Variants in CATSPERE observed in about 807,000 individuals in gnomAD.
The protein encoded by CATSPERE is catsper channel auxiliary subunit epsilon, also known as cation channel sperm-associated auxiliary subunit epsilon.
CATSPERE carries 93 observed loss-of-function variants against 114.1 expected under a neutral mutation model. The observed-to-expected ratio is 0.81, with a 90% CI of 0.69 to 0.97. CATSPERE has a LOEUF of 0.97. CATSPERE is among the 50% of genes least tolerant of loss of function. The pLI, the probability that CATSPERE is intolerant of heterozygous loss-of-function variation, is 0.00. For missense variants in CATSPERE, 1,058 were observed against 1,131.6 expected (o/e 0.93, Z 0.93); for synonymous variants, 341 against 384.1 (o/e 0.89, Z 1.31).
chr1:244,635,417 T>G, intron 20 of CATSPERE, 72 bp from the exon 21 acceptor site: 1 of 1,103,790 alleles, frequency 9.1e-7, no homozygotes, highest in Non-Finnish European at 1.4e-6. Flanking sequence ...ATTGTTACCA[T>G]AGGGACATGG....
At position 244,621,299 on chromosome 1, in the gene CATSPERE, A is replaced by ATATATTTATATAGATATATC. The variant is rs554565080; in HGVS notation, c.2648+3618_2648+3619insTTATATAGATATATCTATAT. Among the ~76,000 whole-genome samples, 9 of 86,628 alleles carry ATATATTTATATAGATATATC rather than the reference A, an allele frequency of 1.0e-4. 2 individuals are homozygous for ATATATTTATATAGATATATC. Among genetic ancestry groups the ATATATTTATATAGATATATC allele is most frequent in the African/African-American group, 4.4e-4 (9 of 20,662 alleles). 56.8% of individuals were successfully genotyped at this position (86,628 alleles called of 152,430 possible). On this transcript the variant is annotated intron_variant, in intron 20 of 21. Coordinates refer to ENST00000366534, the MANE Select transcript of CATSPERE (RefSeq NM_001130957.2). ...TATCTATATAGATATATCTATATAA[A>ATATATTTATATAGATATATC]TATATAAATATATAAAATATATATA... is the stretch of plus-strand genomic sequence containing the variant.
At chr1:244,558,529 T>G (rs1443509171) in intron 9 of CATSPERE, among the ~76,000 whole-genome samples, 2 of 152,170 alleles carry the variant, frequency 1.3e-5, no homozygotes, top group Non-Finnish European at 2.9e-5. Context: ...TTATTATAGT[T>G]ATTTTCTCTT....
intron 19 of CATSPERE, among the ~76,000 whole-genome samples, chr1:244,614,776 C>G (rs936781208): frequency 2.6e-5 from 4 of 151,032 alleles, no homozygotes; most frequent in African/African-American, 9.7e-5. Context: ...GGGTAAGCAA[C>G]CTTCTCCTCC....
chr1:244,460,036 G>C (rs948554073), upstream of CATSPERE, among the ~76,000 whole-genome samples: 1 of 152,208 alleles, frequency 6.6e-6, no homozygotes, highest in African/African-American at 2.4e-5. Flanking sequence ...AATTATGATT[G>C]AGACAGTGAA....
At chr1:244,485,511 C>CT (rs1304050343) in intron 5 of CATSPERE, among the ~76,000 whole-genome samples, 8 of 151,246 alleles carry the variant, frequency 5.3e-5, no homozygotes, top group Non-Finnish European at 8.9e-5. Flanking sequence ...CTCCCTTATT[C>CT]TTTTTTTTTC....
chr1:244,490,327 C>T, intron 5 of CATSPERE, 120 bp from the exon 6 acceptor site: 2 of 595,206 alleles, frequency 3.4e-6, no homozygotes, highest in Admixed American at 3.4e-5. Context: ...ATTTTATATA[C>T]CGTAATGAAA....
At chr1:244,579,447 AAC>A (rs1293447879) in intron 11 of CATSPERE, among the ~76,000 whole-genome samples, 1 of 152,196 alleles carries the variant, frequency 6.6e-6, no homozygotes, top group Non-Finnish European at 1.5e-5. Context: ...GTACTCGTGA[AAC>A]ACCTTTTTCT....
chr1:244,618,538 T>C (rs184064863), intron 20 of CATSPERE, among the ~76,000 whole-genome samples: 2 of 152,280 alleles, frequency 1.3e-5, no homozygotes, highest in African/African-American at 2.4e-5. Context: ...CCCAGCACTT[T>C]GAGAGGTCAA....
intron 10 of CATSPERE, among the ~76,000 whole-genome samples, chr1:244,569,638 A>G (rs534954054): frequency 2.0e-5 from 3 of 152,302 alleles, no homozygotes; most frequent in South Asian, 2.1e-4. Flanking sequence ...TAAAGATATT[A>G]TATATTTTCA....
intron 2 of CATSPERE, among the ~76,000 whole-genome samples, chr1:244,469,147 A>G (rs957338170): frequency 1.3e-5 from 2 of 152,202 alleles, no homozygotes; most frequent in Admixed American, 6.5e-5. Flanking sequence ...GGGGAGGTTT[A>G]TATGTAAGCT....
At chr1:244,614,130 C>T (rs1430113004) in intron 19 of CATSPERE, among the ~76,000 whole-genome samples, 2 of 152,146 alleles carry the variant, frequency 1.3e-5, no homozygotes, top group African/African-American at 4.8e-5. Context: ...AATTCCTTTT[C>T]CTTATAAATT....
At chr1:244,518,328 A>G (rs566029305) in intron 7 of CATSPERE, among the ~76,000 whole-genome samples, 1 of 152,316 alleles carries the variant, frequency 6.6e-6, no homozygotes, top group African/African-American at 2.4e-5. Flanking sequence ...AAGTATCCCC[A>G]TAGTTTCAGT....
At chr1:244,454,697 T>C (rs1256842307) in intron 1 of CATSPERE, 1 of 151,708 alleles carries the variant, frequency 6.6e-6, no homozygotes, top group African/African-American at 2.4e-5. Context: ...TCTGCAAGGG[T>C]TTGATAAATG....
At chr1:244,551,720 A>G (rs7522798) in intron 8 of CATSPERE, among the ~76,000 whole-genome samples, 9,857 of 152,192 alleles carry the variant, frequency 0.065, 1,092 homozygotes, top group African/African-American at 0.23. Context: ...GAGAAAAAAG[A>G]AGGTAATAGA....
intron 21 of CATSPERE, among the ~76,000 whole-genome samples, chr1:244,638,574 C>G (rs1674940387): frequency 6.6e-6 from 1 of 152,176 alleles, no homozygotes; most frequent in Non-Finnish European, 1.5e-5. Context: ...CAGTCCAAAG[C>G]CATACATCCT....
chr1:244,609,100 C>T (rs771309556), intron 18 of CATSPERE, among the ~76,000 whole-genome samples: 8 of 151,868 alleles, frequency 5.3e-5, no homozygotes, highest in Non-Finnish European at 7.4e-5. Flanking sequence ...GCAGGAGAAT[C>T]GCTTGAACCC....
At chr1:244,490,206 G>T (rs374410329) in intron 5 of CATSPERE, among the ~76,000 whole-genome samples, 1 of 152,142 alleles carries the variant, frequency 6.6e-6, no homozygotes, top group South Asian at 2.1e-4. Flanking sequence ...TATTGAGGCA[G>T]GAAGCATGCA....
intron 7 of CATSPERE, among the ~76,000 whole-genome samples, chr1:244,515,702 C>A (rs1676498454): frequency 6.6e-6 from 1 of 152,016 alleles, no homozygotes; most frequent in South Asian, 2.1e-4. Flanking sequence ...AAGATTCATC[C>A]AATGTATCAA....
chr1:244,455,027 G>C lies in CATSPERE; in HGVS notation n.237+414G>C, dbSNP rs143516240. On this transcript the variant is annotated intron_variant and non_coding_transcript_variant, in intron 1 of 15. Coordinates refer to the CATSPERE transcript ENST00000473875. ...GAAGACAGGAATTTGGGGATTTTTA[G>C]GTTAGCCCTAAGAATTTTCTTGAGC... Among the ~76,000 whole-genome samples, 528 of 152,230 alleles carry C rather than the reference G, an allele frequency of 3.5e-3. 2 individuals are homozygous for C. The highest frequency in any genetic ancestry group is 0.012 in the African/African-American group (491 of 41,540).
Sources: gnomAD v4.1 joint callset for allele counts (sites outside exome capture counted in the v4.1 genomes callset) on GRCh38, gnomAD v4.1.1 for gene constraint, MANE v1.5 for transcripts, NCBI Gene and HGNC (gene_info 2026-07-23, HGNC 2026-07-21) for gene names.